Variants in AGBL1 observed in about 807,000 individuals in gnomAD.
The protein encoded by AGBL1 is cytosolic carboxypeptidase 4.
Under a neutral mutation model 118.9 loss-of-function variants are expected in AGBL1, and 130 were observed. That is an observed-to-expected ratio of 1.09 (90% confidence interval 0.95 to 1.26). AGBL1 has a LOEUF of 1.26. Ranked by LOEUF, AGBL1 falls within the 50% of genes most tolerant of loss-of-function variation. The pLI is 0.00. For missense variants in AGBL1, 1,584 were observed against 1,298.1 expected (o/e 1.22, Z -3.38); for synonymous variants, 555 against 478.9 (o/e 1.16, Z -2.08).
At chr15:86,406,137 G>A (rs1204804242) in intron 18 of AGBL1, among the ~76,000 whole-genome samples, 1 of 152,196 alleles carries the variant, frequency 6.6e-6, no homozygotes, top group Admixed American at 6.5e-5. Context: ...AAGGAGTAGG[G>A]ATTGACATAT....
chr15:86,444,844 G>A (rs1567264004), intron 18 of AGBL1, among the ~76,000 whole-genome samples: 1 of 152,260 alleles, frequency 6.6e-6, no homozygotes, highest in South Asian at 2.1e-4. Flanking sequence ...GAAAAAGGAA[G>A]GAGGGGAGAA....
At chr15:86,204,623 T>G (rs2077961559) in intron 5 of AGBL1, among the ~76,000 whole-genome samples, 1 of 152,142 alleles carries the variant, frequency 6.6e-6, no homozygotes. Flanking sequence ...GGAGTCTCAC[T>G]CTATCACCCA....
rs2076994935 is a variant in AGBL1, at chr15:86,143,717, AC to A, written c.135del (p.Tyr46ThrfsTer2). On this transcript the variant is annotated frameshift_variant, in exon 3 of 23. Coordinates refer to ENST00000614907, the MANE Select transcript of AGBL1 (RefSeq NM_001386094.1). LOFTEE classifies it high-confidence loss of function. ...CCCTCAGGCACAGACCGGAGAATTC[AC>A]TACATGATCAGCAAGGGTGGCAGTG... Reference protein sequence around the residue: ...LLSVGTDRRIHYMISKGGSEA... With the variant: ...LLSVGTDRRIXYMISKGGSEA... The A allele has an allele frequency of 6.2e-7, 1 of 1,613,630 alleles. No individual in the cohort carries two copies.
intron 3 of AGBL1, among the ~76,000 whole-genome samples, chr15:86,146,244 A>T (rs1449488722): frequency 2.6e-5 from 4 of 152,214 alleles, no homozygotes; most frequent in Non-Finnish European, 4.4e-5. Flanking sequence ...TAAAAATTTT[A>T]TCTGTACTAA....
At chr15:86,463,958 T>G (rs1451216682) in intron 18 of AGBL1, among the ~76,000 whole-genome samples, 1 of 152,154 alleles carries the variant, frequency 6.6e-6, no homozygotes, top group Non-Finnish European at 1.5e-5. Flanking sequence ...TTAAAGTAGT[T>G]TTTTTCTGAT....
At chr15:86,754,565 C>T (rs1372463057) in intron 22 of AGBL1, among the ~76,000 whole-genome samples, 1 of 151,992 alleles carries the variant, frequency 6.6e-6, no homozygotes, top group Non-Finnish European at 1.5e-5. Flanking sequence ...CTCCTGATCC[C>T]ATTAATCCCT....
intron 17 of AGBL1, among the ~76,000 whole-genome samples, chr15:86,379,142 ACTTCT>A (rs2081078709): frequency 6.6e-6 from 1 of 151,740 alleles, no homozygotes; most frequent in Non-Finnish European, 1.5e-5. Context: ...TGAACTCCTC[ACTTCT>A]GATGATCCAC....
At chr15:86,241,853 C>T (rs1278726394) in intron 6 of AGBL1, among the ~76,000 whole-genome samples, 3 of 152,064 alleles carry the variant, frequency 2.0e-5, no homozygotes. Flanking sequence ...AACTAGGGGC[C>T]CCTGAAGCTT....
intron 5 of AGBL1, among the ~76,000 whole-genome samples, chr15:86,201,289 C>T (rs1202812266): frequency 2.0e-5 from 3 of 152,142 alleles, no homozygotes; most frequent in African/African-American, 7.2e-5. Context: ...CAAATCTTCT[C>T]CATCTCTGTA....
chr15:86,185,334 G>A (rs2141810406), intron 5 of AGBL1, among the ~76,000 whole-genome samples: 1 of 152,298 alleles, frequency 6.6e-6, no homozygotes, highest in South Asian at 2.1e-4. Context: ...CAACCATTGT[G>A]GAAGATAGTG....
chr15:86,353,303 A>G (rs957047423), intron 17 of AGBL1, among the ~76,000 whole-genome samples: 3 of 152,238 alleles, frequency 2.0e-5, no homozygotes, highest in African/African-American at 7.2e-5. Flanking sequence ...TAAATTGGCC[A>G]GGATCAAGAT....
chr15:86,912,166 G>C lies in AGBL1; in HGVS notation c.*4872G>C, dbSNP rs886876331. 1 of 152,192 alleles carries C rather than the reference G, an allele frequency of 6.6e-6. No individual in the cohort carries two copies. Among genetic ancestry groups the C allele is most frequent in the Non-Finnish European group, 1.5e-5 (1 of 68,036 alleles). 9.4% of individuals were successfully genotyped at this position (152,192 alleles called of 1,614,324 possible). ...GGAAACACAAAGAAGAGTTTGTGTT[G>C]TAGTTTCACTAAAAGGACGTGTAGC... On this transcript the variant is annotated 3_prime_UTR_variant, in exon 23 of 23. Coordinates refer to ENST00000614907, the MANE Select transcript of AGBL1 (RefSeq NM_001386094.1).
intron 22 of AGBL1, among the ~76,000 whole-genome samples, chr15:86,817,293 G>GAAA (rs71144068): frequency 5.5e-5 from 7 of 127,602 alleles, no homozygotes; most frequent in East Asian, 2.3e-4. Flanking sequence ...ACTCCATCTG[G>GAAA]AAAAAAAAAA....
chr15:86,984,407 C>T (rs1430735319), intron 23 of AGBL1, among the ~76,000 whole-genome samples: 4 of 149,852 alleles, frequency 2.7e-5, no homozygotes, highest in East Asian at 3.9e-4. Flanking sequence ...CTCTGTCGCC[C>T]GGGCTGGAGT....
At chr15:86,838,750 G>A (rs1231076378) in intron 22 of AGBL1, among the ~76,000 whole-genome samples, 2 of 151,396 alleles carry the variant, frequency 1.3e-5, no homozygotes, top group Non-Finnish European at 2.9e-5. Context: ...GACCAGCCAG[G>A]GCAACATAGT....
At chr15:87,024,975 T>A (rs905273856) in intron 24 of AGBL1, among the ~76,000 whole-genome samples, 2 of 151,964 alleles carry the variant, frequency 1.3e-5, no homozygotes, top group Non-Finnish European at 2.9e-5. Context: ...ACAAGGGACA[T>A]ACCTCAATAT....
chr15:86,428,720 A>G (rs568332665), intron 18 of AGBL1, among the ~76,000 whole-genome samples: 1 of 152,340 alleles, frequency 6.6e-6, no homozygotes, highest in Admixed American at 6.5e-5. Context: ...AGTTCGCAGA[A>G]TATCTGAAGG....
At chr15:86,432,553 T>A (rs753787441) in intron 18 of AGBL1, among the ~76,000 whole-genome samples, 2 of 152,222 alleles carry the variant, frequency 1.3e-5, no homozygotes, top group African/African-American at 4.8e-5. Context: ...ATACGACTTA[T>A]CACTATTGAT....
intron 18 of AGBL1, among the ~76,000 whole-genome samples, chr15:86,474,034 T>C (rs908195573): frequency 4.6e-5 from 7 of 152,194 alleles, no homozygotes; most frequent in Admixed American, 2.0e-4. Flanking sequence ...TTGGTATTTA[T>C]TTTTAATGAG....
Sources: gnomAD v4.1 joint callset for allele counts (sites outside exome capture counted in the v4.1 genomes callset) on GRCh38, gnomAD v4.1.1 for gene constraint, MANE v1.5 for transcripts, NCBI Gene and HGNC (gene_info 2026-07-23, HGNC 2026-07-21) for gene names.